STK10: variants seen among roughly 807,000 people sequenced by gnomAD.
The protein encoded by STK10 is serine/threonine kinase 10.
In STK10, 78 loss-of-function variants were observed where a neutral mutation model predicts 113.8. The observed-to-expected ratio is 0.69, with a 90% confidence interval of 0.57 to 0.83. The LOEUF (loss-of-function observed/expected upper bound fraction) is 0.83, where lower values mean the gene tolerates loss of function less well. STK10 is among the 40% of genes least tolerant of loss of function. STK10 has a pLI of 0.00. For missense variants in STK10, 1,109 were observed against 1,280.1 expected, an observed-to-expected ratio of 0.87 and a Z score of 2.04; for synonymous variants, 465 against 494.7, an observed-to-expected ratio of 0.94 and a Z score of 0.80.
chr5:172,175,412 C>A (rs938919083), intron 1 of STK10, among the ~76,000 whole-genome samples: 2 of 152,052 alleles, frequency 1.3e-5, no homozygotes, highest in Non-Finnish European at 2.9e-5. Flanking sequence ...GAGAAGGAAG[C>A]CTTTCAGCAC....
intron 8 of STK10, among the ~76,000 whole-genome samples, chr5:172,095,239 C>T (rs986968927): frequency 3.9e-5 from 6 of 152,238 alleles, no homozygotes; most frequent in African/African-American, 1.4e-4. Flanking sequence ...AATCTACCTT[C>T]TAGTCAACAC....
chr5:172,187,783 G>A lies in STK10; in HGVS notation c.156+104C>T. 2.0e-6 allele frequency: 3 copies of A among 1,495,822 alleles called. No individual in the cohort carries two copies. In the South Asian group the frequency reaches 3.7e-5, roughly 18 times the overall value. 92.7% of individuals were successfully genotyped at this position (1,495,822 alleles called of 1,614,324 possible). ...GCCAGGGACCCCGAATTCAGCGCCG[G>A]GCAGCCCTCGGAGCCGGAGCCAGGC... On this transcript the variant is annotated intron_variant, in intron 1 of 18. Coordinates refer to ENST00000176763, the MANE Select transcript of STK10 (RefSeq NM_005990.4). The surrounding 1 kb of genome is among the most constrained non-coding windows in gnomAD (Gnocchi z 4.6).
chr5:172,127,567 G>T (rs56210462), intron 2 of STK10, 146 bp from the exon 3 acceptor site: 8,224 of 761,334 alleles, frequency 0.011, 63 homozygotes, highest in Non-Finnish European at 0.014. Context: ...TGCCTTGGGA[G>T]CCCGTCCCCC....
At chr5:172,051,454 G>A (rs1394890482) in intron 18 of STK10, among the ~76,000 whole-genome samples, 5 of 151,426 alleles carry the variant, frequency 3.3e-5, no homozygotes, top group African/African-American at 4.9e-5. Flanking sequence ...GTGAAACCCC[G>A]TCTCTACTAA....
chr5:172,105,544 G>A, intron 7 of STK10, 112 bp downstream of exon 7: 2 of 1,122,020 alleles, frequency 1.8e-6, no homozygotes, highest in Non-Finnish European at 2.6e-6. Flanking sequence ...TGGACAAACA[G>A]CTGTCCATGC....
intron 7 of STK10, among the ~76,000 whole-genome samples, chr5:172,104,026 C>T (rs1769048023): frequency 6.6e-6 from 1 of 152,232 alleles, no homozygotes; most frequent in Non-Finnish European, 1.5e-5. Flanking sequence ...AAGCTGCTAC[C>T]CCAGAAGGAC....
At chr5:172,064,332 C>A (rs1768018481) in intron 13 of STK10, 2 of 210,792 alleles carry the variant, frequency 9.5e-6, no homozygotes. Context: ...CATAACAGGA[C>A]CAGGTCTGGG....
At chr5:172,049,895 C>G (rs904793911) in intron 18 of STK10, among the ~76,000 whole-genome samples, 1 of 152,152 alleles carries the variant, frequency 6.6e-6, no homozygotes, top group Non-Finnish European at 1.5e-5. Context: ...CTCTGCCCGC[C>G]GGGTTCAAGT....
intron 4 of STK10, among the ~76,000 whole-genome samples, chr5:172,116,445 A>G (rs1256847324): frequency 6.6e-6 from 1 of 152,184 alleles, no homozygotes; most frequent in Non-Finnish European, 1.5e-5. Context: ...AGTACACATG[A>G]GAAGAGCTCA....
chr5:172,178,251 T>TG (rs1410535563), intron 1 of STK10, among the ~76,000 whole-genome samples: 2 of 152,192 alleles, frequency 1.3e-5, no homozygotes, highest in Non-Finnish European at 2.9e-5. Flanking sequence ...GGCCACACCG[T>TG]GTGGCCCCAT....
chr5:172,153,763 G>A (rs900414596), intron 2 of STK10, among the ~76,000 whole-genome samples: 5 of 152,364 alleles, frequency 3.3e-5, no homozygotes, highest in South Asian at 2.1e-4. Context: ...ATATCAAAGG[G>A]TTGGTGCATC....
At chr5:172,101,954 G>A (rs1167338517) in intron 7 of STK10, among the ~76,000 whole-genome samples, 1 of 151,666 alleles carries the variant, frequency 6.6e-6, no homozygotes. Flanking sequence ...GAGGGGCGAT[G>A]GGGGTCAGCA....
chr5:172,106,399 C>A (rs1344552525), intron 6 of STK10, among the ~76,000 whole-genome samples: 1 of 7,294 alleles, frequency 1.4e-4, no homozygotes, highest in Admixed American at 1.3e-3. Context: ...GAGACCCTAT[C>A]TCAAAAAAAA....
At position 172,082,279 on chromosome 5, in the gene STK10, C is replaced by A. The variant is rs1045054887; in HGVS notation, c.1989+47G>T. On this transcript the variant is annotated intron_variant, in intron 12 of 18. Transcript: ENST00000176763. This position sits in a 1 kb window ranked among gnomAD's most constrained non-coding sequence, Gnocchi z 4.3. ...CCACGATCACTTGCAACCAAGAAGG[C>A]CCCTAATACTCCGAGATGCCCCTGC... 4.8e-6 allele frequency: 7 copies of A among 1,459,222 alleles called. No homozygotes were observed. Among genetic ancestry groups the A allele is most frequent in the Non-Finnish European group, 6.3e-6 (7 of 1,103,324 alleles). 90.4% of individuals were successfully genotyped at this position (1,459,222 alleles called of 1,614,324 possible).
rs57573746 is a variant in STK10 at position 172,164,211 on chromosome 5, T to TAAAA, written c.157-7427_157-7424dup. Among the ~76,000 whole-genome samples, 250 of 84,588 alleles carry TAAAA rather than the reference T, an allele frequency of 3.0e-3. 1 individual carries two copies. The highest frequency in any genetic ancestry group is 7.9e-3 in the East Asian group (23 of 2,894). 55.5% of individuals were successfully genotyped at this position (84,588 alleles called of 152,430 possible). A position where few individuals can be genotyped will look rare whatever the true frequency, so the allele number is the denominator to read the frequency against. ...CGGGCAACAAGAGCGAAACTCCATCTAAAAAAAAAAAAAAAAAAAAAAAAA... is the reference window on the plus strand; with the variant it reads ...CGGGCAACAAGAGCGAAACTCCATCTAAAAAAAAAAAAAAAAAAAAAAAAAAAAA... On this transcript the variant is annotated intron_variant, in intron 1 of 18. Transcript: ENST00000176763.
At position 172,187,695 on chromosome 5, in the gene STK10, G is replaced by A. The variant is rs955025560; in HGVS notation, c.156+192C>T. On this transcript the variant is annotated intron_variant, in intron 1 of 18. Coordinates refer to ENST00000176763, the MANE Select transcript of STK10 (RefSeq NM_005990.4). This position sits in a 1 kb window ranked among gnomAD's most constrained non-coding sequence, Gnocchi z 4.6. ...ACCGTGCCCGGAGGGGGCGCCCAGA[G>A]CGCAGGGACTCGGCCGGGCCGAGTG... Among the ~76,000 whole-genome samples, 4 of 152,218 alleles carry A rather than the reference G, an allele frequency of 2.6e-5. No homozygotes were observed. Among genetic ancestry groups the A allele is most frequent in the African/African-American group, 4.8e-5 (2 of 41,458 alleles).
chr5:172,186,627 AAAG>A (rs1418144578), intron 1 of STK10, among the ~76,000 whole-genome samples: 1 of 152,142 alleles, frequency 6.6e-6, no homozygotes, highest in Non-Finnish European at 1.5e-5. Context: ...GTCTCAAAAA[AAAG>A]AAAAGAAAAA....
chr5:172,129,654 A>G (rs752966083), intron 2 of STK10, among the ~76,000 whole-genome samples: 36 of 152,198 alleles, frequency 2.4e-4, no homozygotes, highest in Non-Finnish European at 4.1e-4. Flanking sequence ...TGACTTGGAA[A>G]CAGGCAATGA....
At chr5:172,073,411 C>G (rs551948813) in intron 12 of STK10, among the ~76,000 whole-genome samples, 1 of 152,150 alleles carries the variant, frequency 6.6e-6, no homozygotes, top group South Asian at 2.1e-4. Flanking sequence ...CTCAGCCTTC[C>G]AAAGTGCTGG....
Sources: allele counts gnomAD v4.1 joint callset (sites outside exome capture counted in the v4.1 genomes callset), GRCh38; gene constraint gnomAD v4.1.1; non-coding constraint Gnocchi (gnomAD v3.1); transcripts MANE v1.5; gene names NCBI Gene and HGNC (gene_info 2026-07-23, HGNC 2026-07-21).